CNTN1: variants seen among roughly 807,000 people sequenced by gnomAD.
CNTN1 encodes contactin 1, also known as contactin-1.
CNTN1 carries 38 observed loss-of-function variants against 126.4 expected under a neutral mutation model. That is an observed-to-expected ratio of 0.30 (90% CI 0.23 to 0.39). The LOEUF is 0.39. Ranked by LOEUF, CNTN1 falls within the 10% of genes least tolerant of loss-of-function variation. The probability of loss-of-function intolerance (pLI) is 1.00; values close to 1 mark genes in which losing one functional copy is unlikely to be tolerated. For synonymous variants in CNTN1, 413 were observed against 422.6 expected (o/e 0.98, Z 0.28); for missense variants, 1,009 against 1,248.4 (o/e 0.81, Z 2.89).
chr12:41,063,583 G>C (rs1433976446), intron 23 of CNTN1, among the ~76,000 whole-genome samples: 1 of 152,146 alleles, frequency 6.6e-6, no homozygotes, highest in African/African-American at 2.4e-5. Context: ...GCAAAGTACC[G>C]TTCCTCCTGA....
intron 1 of CNTN1, among the ~76,000 whole-genome samples, chr12:40,897,346 G>A (rs1040366431): frequency 1.3e-5 from 2 of 152,100 alleles, no homozygotes; most frequent in Non-Finnish European, 2.9e-5. Context: ...TAAAGCTTCT[G>A]CCTAACTAGG....
intron 1 of CNTN1, among the ~76,000 whole-genome samples, chr12:40,744,434 G>A (rs947656595): frequency 6.6e-6 from 1 of 152,002 alleles, no homozygotes; most frequent in African/African-American, 2.4e-5. Flanking sequence ...GGTGTGTTGT[G>A]ATGGGAAAGG....
chr12:40,747,049 A>G (rs982752316), intron 1 of CNTN1, among the ~76,000 whole-genome samples: 1 of 151,982 alleles, frequency 6.6e-6, no homozygotes, highest in South Asian at 2.1e-4. Flanking sequence ...CTCCTACCTG[A>G]CTATCTACTG....
chr12:40,930,426 G>A (rs1012422458), intron 7 of CNTN1, among the ~76,000 whole-genome samples: 2 of 151,870 alleles, frequency 1.3e-5, no homozygotes, highest in African/African-American at 2.4e-5. Flanking sequence ...GATTATTTTG[G>A]TATTTTTAAG....
At chr12:40,813,135 TTC>T (rs1319669392) in intron 1 of CNTN1, among the ~76,000 whole-genome samples, 5 of 150,274 alleles carry the variant, frequency 3.3e-5, no homozygotes, top group Non-Finnish European at 7.4e-5. Flanking sequence ...CTTTCTTTCT[TTC>T]TTTTTCTTTC....
At chr12:40,850,628 G>A (rs1942681808) in intron 1 of CNTN1, among the ~76,000 whole-genome samples, 1 of 151,642 alleles carries the variant, frequency 6.6e-6, no homozygotes, top group African/African-American at 2.4e-5. Context: ...AAATTATTCA[G>A]CGATGATATT....
chr12:41,060,883 T>C (rs1003178037), intron 23 of CNTN1, among the ~76,000 whole-genome samples: 1 of 152,130 alleles, frequency 6.6e-6, no homozygotes, highest in African/African-American at 2.4e-5. Flanking sequence ...CACTAAAAAA[T>C]CAAATATCTT....
At chr12:40,704,695 C>T (rs1452589628) in intron 1 of CNTN1, among the ~76,000 whole-genome samples, 6 of 152,064 alleles carry the variant, frequency 3.9e-5, no homozygotes, top group African/African-American at 1.2e-4. Context: ...AAGAAATAGT[C>T]ATTTACAATA....
At chr12:41,025,631 T>C (rs1204219620) in intron 21 of CNTN1, among the ~76,000 whole-genome samples, 1 of 152,230 alleles carries the variant, frequency 6.6e-6, no homozygotes, top group Non-Finnish European at 1.5e-5. Flanking sequence ...CTGTACTTAT[T>C]AATTTAAACA....
chr12:41,048,798 C>A (rs80220112), intron 23 of CNTN1, among the ~76,000 whole-genome samples: 1 of 151,720 alleles, frequency 6.6e-6, no homozygotes, highest in Non-Finnish European at 1.5e-5. Context: ...AAGGAAGGAA[C>A]GAAGAAAAAC....
chr12:40,911,102 A>G (rs1195067575), intron 3 of CNTN1, among the ~76,000 whole-genome samples: 1 of 152,032 alleles, frequency 6.6e-6, no homozygotes, highest in Non-Finnish European at 1.5e-5. Context: ...TATTTTTGAG[A>G]TGGAGTCTCG....
intron 1 of CNTN1, among the ~76,000 whole-genome samples, chr12:40,712,341 A>G (rs1014806945): frequency 2.6e-5 from 4 of 152,180 alleles, no homozygotes; most frequent in African/African-American, 9.6e-5. Flanking sequence ...GTGCTAGGCC[A>G]TATGATTTTC....
chr12:40,968,830 C>T (rs1256992837), intron 15 of CNTN1, among the ~76,000 whole-genome samples: 2 of 152,122 alleles, frequency 1.3e-5, no homozygotes. Context: ...CTTTTCCCTT[C>T]TTGATGTTTA....
At chr12:40,853,208 G>A (rs946360724) in intron 1 of CNTN1, among the ~76,000 whole-genome samples, 1 of 151,908 alleles carries the variant, frequency 6.6e-6, no homozygotes, top group Non-Finnish European at 1.5e-5. Flanking sequence ...TGAAATCAAG[G>A]TTGAAAAAAA....
intron 1 of CNTN1, among the ~76,000 whole-genome samples, chr12:40,728,150 T>C (rs1439040924): frequency 2.6e-5 from 4 of 152,204 alleles, no homozygotes; most frequent in Non-Finnish European, 4.4e-5. Flanking sequence ...TTAACATTAA[T>C]TTTAGCAGCT....
intron 23 of CNTN1, among the ~76,000 whole-genome samples, chr12:41,044,093 T>A (rs913751373): frequency 2.0e-5 from 3 of 150,932 alleles, no homozygotes; most frequent in African/African-American, 7.3e-5. Context: ...GGCACATGTA[T>A]ATATATGTAA....
chr12:40,897,714 T>A (rs528941710), intron 1 of CNTN1, among the ~76,000 whole-genome samples: 1 of 152,152 alleles, frequency 6.6e-6, no homozygotes, highest in Non-Finnish European at 1.5e-5. Context: ...TGGATATAAG[T>A]CTGAAACCTC....
intron 3 of CNTN1, among the ~76,000 whole-genome samples, chr12:40,916,201 A>T (rs1056850912): frequency 6.6e-6 from 1 of 152,116 alleles, no homozygotes; most frequent in Non-Finnish European, 1.5e-5. Flanking sequence ...TGGGAATAGA[A>T]ATTATCTTAC....
chr12:40,812,319 G>A (rs1415100697), intron 1 of CNTN1, among the ~76,000 whole-genome samples: 1 of 152,090 alleles, frequency 6.6e-6, no homozygotes, highest in African/African-American at 2.4e-5. Context: ...CCTAGAGAAT[G>A]CTGTGTGTAC....
Sources: allele counts gnomAD v4.1 joint callset (sites outside exome capture counted in the v4.1 genomes callset), GRCh38; gene constraint gnomAD v4.1.1; transcripts MANE v1.5; gene names NCBI Gene and HGNC (gene_info 2026-07-23, HGNC 2026-07-21).